MGST1: variants seen among roughly 807,000 people sequenced by gnomAD.
MGST1 encodes the protein microsomal glutathione S-transferase 1, also known as glutathione S-transferase 12.
Under a neutral mutation model 8.9 loss-of-function variants are expected in MGST1, and 5 were observed. The ratio of observed to expected loss-of-function variants is 0.56; its 90% CI spans 0.29 to 1.19. The LOEUF is 1.19. MGST1 is among the 50% of genes most tolerant of loss of function. The probability of loss-of-function intolerance (pLI) is 0.08; values close to 1 mark genes in which losing one functional copy is unlikely to be tolerated. For synonymous variants in MGST1, 54 were observed against 67.8 expected, an observed-to-expected ratio of 0.80 and a Z score of 1.00; for missense variants, 182 against 187.4, an observed-to-expected ratio of 0.97 and a Z score of 0.17.
intron 4 of MGST1, among the ~76,000 whole-genome samples, chr12:16,453,054 A>G (rs538588346): frequency 2.0e-5 from 3 of 152,142 alleles, no homozygotes; most frequent in Middle Eastern, 6.8e-3. Flanking sequence ...AAACACTAAA[A>G]GAAATGCAAA....
chr12:16,475,614 A>T (rs1378723168), intron 4 of MGST1, among the ~76,000 whole-genome samples: 1 of 152,134 alleles, frequency 6.6e-6, no homozygotes, highest in Non-Finnish European at 1.5e-5. Context: ...CCCTTAAGAG[A>T]GGAGTGGAGT....
intron 1 of MGST1, among the ~76,000 whole-genome samples, chr12:16,388,959 A>C (rs1940527265): frequency 6.6e-6 from 1 of 152,168 alleles, no homozygotes; most frequent in South Asian, 2.1e-4. Flanking sequence ...AAAACAGAAA[A>C]CCATGGATGA....
chr12:16,384,066 AAGT>A (rs1940482383), intron 1 of MGST1, among the ~76,000 whole-genome samples: 1 of 152,098 alleles, frequency 6.6e-6, no homozygotes, highest in South Asian at 2.1e-4. Context: ...AAGGGACAAA[AAGT>A]AGAAATTCCT....
intron 4 of MGST1, among the ~76,000 whole-genome samples, chr12:16,480,678 G>A (rs1158844186): frequency 1.3e-5 from 2 of 152,142 alleles, no homozygotes; most frequent in East Asian, 3.9e-4. Flanking sequence ...AAAAGCCAGG[G>A]ATTGGCAAAT....
intron 4 of MGST1, among the ~76,000 whole-genome samples, chr12:16,501,860 CA>C (rs1458890163): frequency 6.6e-6 from 1 of 152,024 alleles, no homozygotes; most frequent in Admixed American, 6.6e-5. Flanking sequence ...TATATGATAT[CA>C]AACAGAACTG....
At position 16,410,643 on chromosome 12, in the gene MGST1, ATATAT is replaced by A. The variant is rs201191771; in HGVS notation, n.779-26739_779-26735del. On this transcript the variant is annotated intron_variant and non_coding_transcript_variant, in intron 1 of 1. Coordinates refer to the MGST1 transcript ENST00000359720. This position sits in a 1 kb window ranked among gnomAD's most constrained non-coding sequence, Gnocchi z 4.4. Reference sequence around the variant, plus strand: ...ATATTAATATATGTATATGTAATACATATATTATATATAAACATACATAATCAAAT... The same window carrying A: ...ATATTAATATATGTATATGTAATACATATATATAAACATACATAATCAAAT... Among the ~76,000 whole-genome samples, 219 of 148,118 alleles carry A rather than the reference ATATAT, an allele frequency of 1.5e-3. 2 individuals carry two copies. Among genetic ancestry groups the A allele is most frequent in the Admixed American group, 0.01 (148 of 14,756 alleles).
intron 4 of MGST1, among the ~76,000 whole-genome samples, chr12:16,522,805 G>A (rs535988544): frequency 3.9e-5 from 6 of 152,132 alleles, no homozygotes; most frequent in African/African-American, 1.4e-4. Flanking sequence ...CTGATGGCTA[G>A]AAGAAAAATG....
chr12:16,414,918 G>T (rs1940774774), intron 1 of MGST1, among the ~76,000 whole-genome samples: 1 of 152,078 alleles, frequency 6.6e-6, no homozygotes, highest in Admixed American at 6.5e-5. Flanking sequence ...CAGCTACTCG[G>T]GAGGCTGAGG....
chr12:16,490,220 G>A (rs1027883380), intron 4 of MGST1, among the ~76,000 whole-genome samples: 1 of 152,078 alleles, frequency 6.6e-6, no homozygotes, highest in African/African-American at 2.4e-5. Flanking sequence ...CTAGGATGAT[G>A]CCCCTGCACT....
At chr12:16,498,970 A>C (rs1198712884) in intron 4 of MGST1, among the ~76,000 whole-genome samples, 1 of 152,326 alleles carries the variant, frequency 6.6e-6, no homozygotes, top group African/African-American at 2.4e-5. Flanking sequence ...GCCTTTAGAA[A>C]AATGATCAGA....
chr12:16,477,782 G>A (rs1327890628), intron 4 of MGST1, among the ~76,000 whole-genome samples: 1 of 151,978 alleles, frequency 6.6e-6, no homozygotes, highest in African/African-American at 2.4e-5. Context: ...TTGCTATTTT[G>A]TTCATTCTGT....
At chr12:16,423,019 C>T (rs2137085542) in intron 1 of MGST1, among the ~76,000 whole-genome samples, 1 of 152,320 alleles carries the variant, frequency 6.6e-6, no homozygotes, top group East Asian at 1.9e-4. Flanking sequence ...TAGCAGCCTT[C>T]TTTTCCCCTG....
chr12:16,578,818 A>AAACAACAACAACAACAACAAC (rs201327858), intron 4 of MGST1, among the ~76,000 whole-genome samples: 8 of 141,044 alleles, frequency 5.7e-5, no homozygotes, highest in Non-Finnish European at 1.0e-4. Flanking sequence ...ATTCTGTCTC[A>AAACAACAACAACAACAACAAC]AACAACAACA....
Position 16,548,772 on chromosome 12 carries a change from C to T in MGST1, n.483-40756C>T, listed in dbSNP as rs1284334352. The T allele has an allele frequency of 6.6e-6, 1 of 152,122 alleles. No homozygotes were observed. The highest frequency in any genetic ancestry group is 6.5e-5 in the Admixed American group (1 of 15,270). The allele number at this position is 152,122 out of a possible 1,614,324, so 9.4% of individuals were successfully genotyped here. On this transcript the variant is annotated intron_variant and non_coding_transcript_variant, in intron 4 of 4. Coordinates refer to the MGST1 transcript ENST00000538857. The surrounding 1 kb of genome is among the most constrained non-coding windows in gnomAD (Gnocchi z 4.2). ...GGGCAATTAGCTGTAAAATGGCCTA[C>T]AGCTGAAACACTATTCTTGTCTTAT... is the stretch of plus-strand genomic sequence containing the variant.
rs183855195 is a variant in MGST1 at position 16,412,136 on chromosome 12, G to A, written n.779-25252G>A. Among the ~76,000 whole-genome samples, 3 of 152,218 alleles carry A rather than the reference G, an allele frequency of 2.0e-5. No individual in the cohort carries two copies. In the East Asian group the frequency reaches 5.8e-4, roughly 29 times the overall value. ...GGACATTGAGGCTATATTATTTCTG[G>A]ATAGTTTCCTCTTATAGATCAAATT... On this transcript the variant is annotated intron_variant and non_coding_transcript_variant, in intron 1 of 1. Coordinates refer to the MGST1 transcript ENST00000359720.
chr12:16,573,551 G>C (rs537899723), intron 4 of MGST1: 132 of 152,278 alleles, frequency 8.7e-4, no homozygotes, highest in African/African-American at 2.9e-3. Flanking sequence ...CGATAAGGGG[G>C]GCAGTTAAAA....
At chr12:16,406,561 C>T (rs969619266) in intron 1 of MGST1, among the ~76,000 whole-genome samples, 2 of 152,154 alleles carry the variant, frequency 1.3e-5, no homozygotes, top group African/African-American at 4.8e-5. Context: ...CTAGAAAAAA[C>T]GGTTTTAAAG....
intron 1 of MGST1, chr12:16,399,190 A>G: frequency 7.6e-7 from 1 of 1,320,560 alleles, no homozygotes; most frequent in South Asian, 1.3e-5. Context: ...AATGAAAACA[A>G]AAGGAAAAAT....
chr12:16,364,060 G>C lies in MGST1; in HGVS notation c.*19G>C. 8.3e-6 allele frequency: 13 copies of C among 1,571,198 alleles called. No homozygotes were observed. The highest frequency in any genetic ancestry group is 1.1e-5 in the Non-Finnish European group (13 of 1,156,714). On this transcript the variant is annotated 3_prime_UTR_variant, in exon 4 of 4. Coordinates refer to ENST00000396210, the MANE Select transcript of MGST1 (RefSeq NM_020300.5). The surrounding 1 kb of genome is among the most constrained non-coding windows in gnomAD (Gnocchi z 5.7). ...CCTGTAAAGAAAATCATACAACTCA[G>C]CATCCAGTTGGCTTTTTAAGAATTC...
Sources: gnomAD v4.1 joint callset for allele counts (sites outside exome capture counted in the v4.1 genomes callset) on GRCh38, gnomAD v4.1.1 for gene constraint, Gnocchi (gnomAD v3.1) non-coding constraint, MANE v1.5 for transcripts, NCBI Gene and HGNC (gene_info 2026-07-23, HGNC 2026-07-21) for gene names.